The following PTP4A1 variants were observed in gnomAD, a reference collection of about 807,000 sequenced individuals.
PTP4A1 encodes the protein protein tyrosine phosphatase type IVA 1.
PTP4A1 carries 9 observed loss-of-function variants against 20.5 expected under a neutral mutation model. The observed-to-expected ratio is 0.44, with a 90% confidence interval of 0.26 to 0.77. The LOEUF (loss-of-function observed/expected upper bound fraction) is 0.77. Among genes scored for constraint, PTP4A1 ranks in the 30% least tolerant of loss-of-function variants. The pLI is 0.19. For synonymous variants in PTP4A1, 78 were observed against 67.4 expected (o/e 1.16, Z -0.77); for missense variants, 137 against 218.8 (o/e 0.63, Z 2.36).
Position 63,581,434 on chromosome 6 carries a change from A to G in PTP4A1, c.*1260A>G, listed in dbSNP as rs983294473. On this transcript the variant is annotated 3_prime_UTR_variant, in exon 6 of 6. Transcript: ENST00000626021. The stretch of plus-strand genomic sequence containing the variant: ...TGCGAGAGCTGAAACATCTAAATAA[A>G]TAATGACATGCATTTATCATCATTG... 2 of 152,652 alleles carry G rather than the reference A, an allele frequency of 1.3e-5. No homozygotes were observed. The highest frequency in any genetic ancestry group is 2.9e-5 in the Non-Finnish European group (2 of 68,024). The allele number at this position is 152,652 out of a possible 1,614,324, so 9.5% of individuals were successfully genotyped here. A position where few individuals can be genotyped will look rare whatever the true frequency, so the allele number is the denominator to read the frequency against.
At position 63,576,629 on chromosome 6, in the gene PTP4A1, A is replaced by G; in HGVS notation, c.-252A>G. 1 of 502,060 alleles carries G rather than the reference A, an allele frequency of 2.0e-6. No individual in the cohort carries two copies. The highest frequency in any genetic ancestry group is 3.8e-5 in the Admixed American group (1 of 26,596). The allele number at this position is 502,060 out of a possible 1,614,324, so 31.1% of individuals were successfully genotyped here. On this transcript the variant is annotated 5_prime_UTR_variant, in exon 2 of 6. Coordinates refer to ENST00000626021, the MANE Select transcript of PTP4A1 (RefSeq NM_003463.5). Reference sequence around the variant, plus strand: ...ATTGAAATCCACAGAGCATTTTACAAGAGTTCTGACCTGGATGGGGTAAAC... The same window carrying G: ...ATTGAAATCCACAGAGCATTTTACAGGAGTTCTGACCTGGATGGGGTAAAC...
intron 3 of PTP4A1, among the ~76,000 whole-genome samples, chr6:63,561,919 T>A (rs1776971740): frequency 6.6e-6 from 1 of 152,194 alleles, no homozygotes; most frequent in Non-Finnish European, 1.5e-5. Context: ...GAGAGTACAA[T>A]AAGGCTACAG....
Position 63,534,485 on chromosome 6 carries a change from A to ACC in PTP4A1, c.-640+6402_-640+6403dup, listed in dbSNP as rs1554198023. ...CACACACACACACACACACACACAC[A>ACC]CCTCTAAAACTGGGGTCTAAGCCAA... On this transcript the variant is annotated intron_variant, in intron 2 of 3. Coordinates refer to the PTP4A1 transcript ENST00000639568. 5.3e-5 allele frequency among the ~76,000 whole-genome samples: 8 copies of ACC among 149,668 alleles called. No individual in the cohort carries two copies. The South Asian group carries it at 1.3e-3, about 24-fold the overall frequency.
intron 1 of PTP4A1, among the ~76,000 whole-genome samples, chr6:63,522,877 T>C (rs1444716743): frequency 6.6e-6 from 1 of 150,994 alleles, no homozygotes; most frequent in Non-Finnish European, 1.5e-5. Context: ...TTTTTTTTTT[T>C]TTTTTGAGAC....
At chr6:63,517,238 A>G (rs1165020100), upstream of PTP4A1, among the ~76,000 whole-genome samples, 1 of 152,182 alleles carries the variant, frequency 6.6e-6, no homozygotes, top group Non-Finnish European at 1.5e-5. Flanking sequence ...GACCAGTGGC[A>G]TTAAAGAACT....
intron 1 of PTP4A1, among the ~76,000 whole-genome samples, chr6:63,575,140 T>C (rs1368850903): frequency 6.6e-6 from 1 of 152,236 alleles, no homozygotes; most frequent in African/African-American, 2.4e-5. Flanking sequence ...CATGGGACTA[T>C]TTAAAGGTGT....
intron 2 of PTP4A1, among the ~76,000 whole-genome samples, chr6:63,533,101 G>T (rs994567267): frequency 6.6e-6 from 1 of 152,090 alleles, no homozygotes. Flanking sequence ...AAACAATAAG[G>T]CTGGGCGAGG....
intron 2 of PTP4A1, chr6:63,549,250 G>A (rs1027076372): frequency 1.1e-5 from 8 of 745,888 alleles, no homozygotes; most frequent in Non-Finnish European, 2.0e-5. Context: ...TGGTGGTCCA[G>A]GGCCTGGGTG....
chr6:63,562,061 A>G (rs1776982824), intron 3 of PTP4A1, among the ~76,000 whole-genome samples: 1 of 152,208 alleles, frequency 6.6e-6, no homozygotes, highest in African/African-American at 2.4e-5. Context: ...CACATCACCC[A>G]GTGACACCCA....
intron 2 of PTP4A1, among the ~76,000 whole-genome samples, chr6:63,529,106 T>A (rs1013200643): frequency 1.4e-5 from 2 of 147,896 alleles, no homozygotes; most frequent in Non-Finnish European, 3.0e-5. Flanking sequence ...TATATATGTG[T>A]GTATATATAT....
intron 2 of PTP4A1, among the ~76,000 whole-genome samples, chr6:63,538,359 A>G (rs1385228667): frequency 6.6e-6 from 1 of 152,236 alleles, no homozygotes; most frequent in Non-Finnish European, 1.5e-5. Context: ...CATTCTTCAT[A>G]AAAAGAATAA....
Position 63,526,837 on chromosome 6 carries a change from T to TATATATATATA in PTP4A1, c.-905-982_-905-981insATATATATATA, listed in dbSNP as rs1562111525. On this transcript the variant is annotated intron_variant, in intron 1 of 3. Transcript: ENST00000639568. ...TATATATATATATATATATATATAT[T>TATATATATATA]TATTTATTTATTCTTCTTAAGGGCT... Among the ~76,000 whole-genome samples, 220 of 87,530 alleles carry TATATATATATA rather than the reference T, an allele frequency of 2.5e-3. 1 individual carries two copies. The highest frequency in any genetic ancestry group is 8.0e-3 in the African/African-American group (171 of 21,474). The allele number at this position is 87,530 out of a possible 152,430, so 57.4% of individuals were successfully genotyped here.
At chr6:63,531,542 G>C (rs1775466224) in intron 2 of PTP4A1, among the ~76,000 whole-genome samples, 1 of 130,342 alleles carries the variant, frequency 7.7e-6, no homozygotes, top group Non-Finnish European at 1.6e-5. Flanking sequence ...TGTAAATGCA[G>C]TGGTGCCTGC....
intron 2 of PTP4A1, among the ~76,000 whole-genome samples, chr6:63,531,435 A>G (rs753459076): frequency 2.6e-5 from 4 of 152,032 alleles, no homozygotes; most frequent in African/African-American, 9.7e-5. Context: ...TTAATGCAAA[A>G]TGCCTACATA....
At chr6:63,540,217 G>C (rs759968527) in intron 2 of PTP4A1, among the ~76,000 whole-genome samples, 2 of 152,136 alleles carry the variant, frequency 1.3e-5, no homozygotes, top group Non-Finnish European at 2.9e-5. Context: ...CTTACTCCTT[G>C]AACAACCTAC....
At chr6:63,565,741 T>C (rs1777166082) in intron 3 of PTP4A1, among the ~76,000 whole-genome samples, 1 of 152,206 alleles carries the variant, frequency 6.6e-6, no homozygotes, top group Non-Finnish European at 1.5e-5. Context: ...AATTTCTGTG[T>C]CTAAATTTCC....
intron 2 of PTP4A1, among the ~76,000 whole-genome samples, chr6:63,544,048 C>T (rs1044075800): frequency 3.9e-5 from 6 of 152,148 alleles, no homozygotes; most frequent in Non-Finnish European, 2.9e-5. Context: ...CCCCCAACCC[C>T]GTATTTCATG....
intron 3 of PTP4A1, among the ~76,000 whole-genome samples, chr6:63,556,498 G>A (rs145126137): frequency 4.1e-4 from 63 of 152,164 alleles, no homozygotes; most frequent in Middle Eastern, 3.4e-3. Flanking sequence ...ACAACTTAAC[G>A]ATATTATGGC....
At chr6:63,538,703 C>T (rs1260674294) in intron 2 of PTP4A1, among the ~76,000 whole-genome samples, 2 of 151,968 alleles carry the variant, frequency 1.3e-5, no homozygotes, top group East Asian at 3.9e-4. Flanking sequence ...TACAATAGTT[C>T]AAAACATTTA....
Sources: gnomAD v4.1 joint callset for allele counts (sites outside exome capture counted in the v4.1 genomes callset) on GRCh38, gnomAD v4.1.1 for gene constraint, MANE v1.5 for transcripts, NCBI Gene and HGNC (gene_info 2026-07-23, HGNC 2026-07-21) for gene names.